The following CCPG1 variants were observed in gnomAD, a reference collection of about 807,000 sequenced individuals.
CCPG1 encodes the protein cell cycle progression protein 1.
A neutral mutation model predicts 81.3 loss-of-function variants in CCPG1; 46 were observed. That is an observed-to-expected ratio of 0.57 (90% CI 0.45 to 0.72). The LOEUF (loss-of-function observed/expected upper bound fraction) is 0.72, where lower values mean the gene tolerates loss of function less well. Ranked by LOEUF, CCPG1 falls within the 30% of genes least tolerant of loss-of-function variation. CCPG1 has a pLI of 0.00. For synonymous variants in CCPG1, 330 were observed against 305.2 expected (o/e 1.08, Z -0.85); for missense variants, 902 against 937.6 (o/e 0.96, Z 0.50).
Position 55,365,219 on chromosome 15 carries a change from T to G in CCPG1, c.797A>C (p.Gln266Pro), listed in dbSNP as rs953867256. Residue 266 changes from glutamine (Q) to proline (P), a missense_variant, in exon 7 of 9, where the codon CAA becomes CCA. Gln to Pro is a moderately conservative substitution (Grantham distance 76, BLOSUM62 -1). Around this residue, in one of 3 missense-constraint regions of CCPG1, gnomAD observed 746 missense variants for 728.6 expected, o/e 1.02. Coordinates refer to ENST00000442196, the MANE Select transcript of CCPG1 (RefSeq NM_001204450.2). ...NDMKDYLSQC[Q>P]QEQESFIDYK... ...ATCTATAAAAGATTCTTGTTCCTGTTGACACTGGGAAAGATAATCCTTCAT... is the reference window on the plus strand; with the variant it reads ...ATCTATAAAAGATTCTTGTTCCTGTGGACACTGGGAAAGATAATCCTTCAT... 4 of 1,488,680 alleles carry G rather than the reference T, an allele frequency of 2.7e-6. No homozygotes were observed. Among genetic ancestry groups the G allele is most frequent in the Non-Finnish European group, 3.7e-6 (4 of 1,075,932 alleles). 92.2% of individuals were successfully genotyped at this position (1,488,680 alleles called of 1,614,324 possible). A position where few individuals can be genotyped will look rare whatever the true frequency, so the allele number is the denominator to read the frequency against.
intron 5 of CCPG1, chr15:55,372,788 G>GA: frequency 3.0e-6 from 1 of 331,832 alleles, no homozygotes; most frequent in South Asian, 2.6e-5. Flanking sequence ...AGGAACACAG[G>GA]AAAGTACACA....
chr15:55,373,798 T>C (rs1452989236), intron 5 of CCPG1, among the ~76,000 whole-genome samples: 3 of 152,340 alleles, frequency 2.0e-5, no homozygotes, highest in Non-Finnish European at 4.4e-5. Flanking sequence ...GTAAAACTTA[T>C]TTAAATAATT....
At chr15:55,395,675 T>A (rs2057002712) in intron 1 of CCPG1, among the ~76,000 whole-genome samples, 1 of 152,120 alleles carries the variant, frequency 6.6e-6, no homozygotes, top group Admixed American at 6.6e-5. Context: ...CTTGACCCCA[T>A]CCCTAAGACT....
At position 55,360,263 on chromosome 15, in the gene CCPG1, CA is replaced by C; in HGVS notation, c.1509del (p.Phe503LeufsTer2). 1 of 1,613,984 alleles carries C rather than the reference CA, an allele frequency of 6.2e-7. No individual in the cohort carries two copies. The highest frequency in any genetic ancestry group is 8.5e-7 in the Non-Finnish European group (1 of 1,180,002). On this transcript the variant is annotated frameshift_variant, in exon 8 of 9. Transcript: ENST00000442196. LOFTEE classifies it high-confidence loss of function. Reference sequence around the variant, plus strand: ...TTAATTTTCTCTTTATGATGCCTTACAAACTCCTTGGTAGAATTCTTCATGG... The same window carrying C: ...TTAATTTTCTCTTTATGATGCCTTACAACTCCTTGGTAGAATTCTTCATGG... The part of the protein sequence containing the change: ...FDAMKNSTKE[F>X]VRHHKEKIKQ...
Position 55,360,629 on chromosome 15 carries a change from G to T in CCPG1, c.1144C>A (p.Leu382Ile), listed in dbSNP as rs765109563. ...RETLLTEAKM[L>I]KRELERERLV... The stretch of plus-strand genomic sequence containing the variant: ...CGTTCTCTCTCCAGTTCTCTCTTTA[G>T]CATCTTTGCTTCTGTCAACAGAGTC... The change falls in exon 8 of 9, where the codon CTA becomes ATA. Residue 382 changes from leucine to isoleucine, a missense_variant. Physicochemically the swap from Leu to Ile is conservative, Grantham distance 5. Around this residue, in one of 3 missense-constraint regions of CCPG1, gnomAD observed 746 missense variants for 728.6 expected, o/e 1.02. Transcript: ENST00000442196. The T allele has an allele frequency of 3.7e-6, 6 of 1,614,140 alleles. No individual in the cohort carries two copies. The highest frequency in any genetic ancestry group is 3.3e-4 in the Middle Eastern group (2 of 6,062).
chr15:55,389,377 G>A lies in CCPG1; in HGVS notation c.48C>T (p.Val16=), dbSNP rs1459978786. 1 of 1,606,318 alleles carries A rather than the reference G, an allele frequency of 6.2e-7. No individual in the cohort carries two copies. The highest frequency in any genetic ancestry group is 1.3e-5 in the African/African-American group (1 of 74,768). ...SDSDSSCGWT[V]ISHEGSDIEM... ...TTAAATATCATACCTCATGACTGAT[G>A]ACAGTCCAACCACAAGATGAATCAC... Residue 16 remains valine, a synonymous_variant, in exon 2 of 9, where the codon GTC becomes GTT. Transcript: ENST00000442196.
intron 1 of CCPG1, among the ~76,000 whole-genome samples, chr15:55,402,851 T>A (rs1294941094): frequency 6.6e-6 from 1 of 152,188 alleles, no homozygotes; most frequent in Non-Finnish European, 1.5e-5. Flanking sequence ...CTTATAGAAG[T>A]GAGATTAAAA....
At chr15:55,400,100 G>A (rs111623807) in intron 1 of CCPG1, among the ~76,000 whole-genome samples, 9,991 of 150,676 alleles carry the variant, frequency 0.066, 402 homozygotes, top group Middle Eastern at 0.1. Context: ...CCAGCTACTC[G>A]GGAGGCTGAG....
rs1364843021 is a variant in CCPG1 at position 55,367,981 on chromosome 15, ATAGCAGG to A, written c.707-2679_707-2673del. On this transcript the variant is annotated intron_variant, in intron 6 of 8. Transcript: ENST00000442196. ...TTCCGGCACTTTTTTCTCTAACCTGATAGCAGGTTACTCAATAAATCAAACTTTCCTA... is the reference window on the plus strand; with the variant it reads ...TTCCGGCACTTTTTTCTCTAACCTGATTACTCAATAAATCAAACTTTCCTA... Among the ~76,000 whole-genome samples, 8 of 152,246 alleles carry A rather than the reference ATAGCAGG, an allele frequency of 5.3e-5. No individual in the cohort carries two copies. The East Asian group carries it at 1.5e-3, about 29-fold the overall frequency.
At position 55,363,667 on chromosome 15, in the gene CCPG1, A is replaced by G. The variant is rs372303443; in HGVS notation, c.828+1521T>C. Among the ~76,000 whole-genome samples the G allele has an allele frequency of 3.1e-4, 46 of 150,708 alleles. 6 individuals carry two copies. In the East Asian group the frequency reaches 7.9e-3, roughly 26 times the overall value. ...GAGAAGTACCTCCCTGAAAGATACA[A>G]TTTAGTTACAAAGTAGTATTTTTGT... On this transcript the variant is annotated intron_variant, in intron 7 of 8. Transcript: ENST00000442196.
chr15:55,373,180 G>A, intron 5 of CCPG1: 2 of 398,302 alleles, frequency 5.0e-6, no homozygotes, highest in South Asian at 1.9e-5. Context: ...TTTTCCAAAT[G>A]CATAATTTCT....
intron 1 of CCPG1, among the ~76,000 whole-genome samples, chr15:55,402,735 T>C (rs888481892): frequency 8.5e-5 from 13 of 152,222 alleles, no homozygotes; most frequent in African/African-American, 3.1e-4. Flanking sequence ...AGATTTCACA[T>C]TCAATGTAGT....
intron 5 of CCPG1, 134 bp from the exon 6 acceptor site, chr15:55,372,178 A>C: frequency 1.3e-6 from 1 of 794,746 alleles, no homozygotes; most frequent in Non-Finnish European, 2.0e-6. Context: ...AAACCAAACA[A>C]CATAAACAAA....
intron 1 of CCPG1, among the ~76,000 whole-genome samples, chr15:55,393,448 G>T (rs77471226): frequency 0.18 from 26,766 of 151,616 alleles, 4,044 homozygotes; most frequent in African/African-American, 0.42. Flanking sequence ...TCAAAAAAAT[G>T]TTTTTTTTCA....
At chr15:55,374,509 T>A (rs2056519928) in intron 5 of CCPG1, among the ~76,000 whole-genome samples, 1 of 151,450 alleles carries the variant, frequency 6.6e-6, no homozygotes, top group South Asian at 2.1e-4. Flanking sequence ...GCCACAAGAA[T>A]ATAAGTCAGG....
Position 55,401,504 on chromosome 15 carries a change from T to G in CCPG1, c.-10+6717A>C, listed in dbSNP as rs956953722. Among the ~76,000 whole-genome samples the G allele has an allele frequency of 3.3e-5, 5 of 152,174 alleles. No homozygotes were observed. In the South Asian group the frequency reaches 1.0e-3, roughly 32 times the overall value. On this transcript the variant is annotated intron_variant, in intron 1 of 8. Transcript: ENST00000442196. ...CAATATGGCGAAACTCCGTCTCTAC[T>G]AAAAATACAAAAATTAGCCAGGCAT...
At chr15:55,373,016 G>A (rs766694965) in intron 5 of CCPG1, 1 of 534,640 alleles carries the variant, frequency 1.9e-6, no homozygotes, top group Non-Finnish European at 3.8e-6. Context: ...TCAGCATGAG[G>A]AAGTGACACA....
intron 3 of CCPG1, among the ~76,000 whole-genome samples, chr15:55,384,268 C>T (rs139186154): frequency 7.9e-5 from 12 of 152,268 alleles, no homozygotes; most frequent in African/African-American, 2.9e-4. Context: ...TTCATAGGCA[C>T]GGTTCATGGT....
At chr15:55,356,928 G>A in intron 8 of CCPG1, 1 of 985,562 alleles carries the variant, frequency 1.0e-6, no homozygotes, top group Non-Finnish European at 1.2e-6. Flanking sequence ...TCCAAGCCAA[G>A]AAAACATTTT....
Sources: allele counts gnomAD v4.1 joint callset (sites outside exome capture counted in the v4.1 genomes callset), GRCh38; gene constraint gnomAD v4.1.1; regional missense constraint gnomAD v4.1.1; transcripts MANE v1.5; gene names NCBI Gene and HGNC (gene_info 2026-07-23, HGNC 2026-07-21).